The following NCR1 variants were observed in gnomAD, a reference collection of about 807,000 sequenced individuals.
NCR1 encodes the protein NK cell-activating receptor.
In NCR1, 30 loss-of-function variants were observed where a neutral mutation model predicts 32.5. The observed-to-expected ratio is 0.92, with a 90% CI of 0.69 to 1.25. The LOEUF is 1.25. NCR1 is among the 50% of genes most tolerant of loss of function. The pLI is 0.00. For missense variants in NCR1, 369 were observed against 380.7 expected (o/e 0.97, Z 0.26); for synonymous variants, 169 against 143.4 (o/e 1.18, Z -1.28).
chr19:54,912,473 C>G (rs1473612306), intron 6 of NCR1, among the ~76,000 whole-genome samples: 2 of 151,770 alleles, frequency 1.3e-5, no homozygotes, highest in African/African-American at 4.8e-5. Flanking sequence ...GTGGCGTGTG[C>G]CTGTAGTCCC....
the NCR1 span, among the ~76,000 whole-genome samples, chr19:54,927,123 T>C: frequency 1.4e-5 from 2 of 148,118 alleles, no homozygotes; most frequent in African/African-American, 5.0e-5. Context: ...GTGCAATGGC[T>C]CACCTCTGTA....
downstream of NCR1, among the ~76,000 whole-genome samples, chr19:54,916,317 C>CTTTTTTTTTTTTTTTTTTTTTTTTTTTTT (rs71181711): frequency 2.5e-4 from 22 of 87,108 alleles, 2 homozygotes; most frequent in Admixed American, 3.8e-4. Flanking sequence ...GAATATTGTG[C>CTTTTTTTTTTTTTTTTTTTTTTTTTTTTT]TTTTTTTTTT....
chr19:54,909,994 T>C, intron 4 of NCR1, 24 bp from the exon 5 acceptor site: 1 of 1,608,780 alleles, frequency 6.2e-7, no homozygotes, highest in Non-Finnish European at 8.5e-7. Context: ...ACCCTTACTT[T>C]TTTTTCTTTA....
chr19:54,923,655 T>C, the NCR1 span: 1 of 1,453,994 alleles, frequency 6.9e-7, no homozygotes, highest in Non-Finnish European at 9.6e-7. Context: ...AGTGTTAACA[T>C]GTGACCCTCT....
At chr19:54,934,420 A>C in the NCR1 span, 1 of 1,516,362 alleles carries the variant, frequency 6.6e-7, no homozygotes, top group Non-Finnish European at 9.2e-7. The surrounding 1 kb of genome is among the most constrained non-coding windows in gnomAD (Gnocchi z 6.7). Flanking sequence ...GCAGTAAGTC[A>C]GGTGTTACCC....
At position 54,909,920 on chromosome 19, in the gene NCR1, G is replaced by A. The variant is rs1367957412; in HGVS notation, c.635-98G>A. On this transcript the variant is annotated intron_variant, in intron 4 of 6. Transcript: ENST00000291890. ...ACCGCACTGCAACCTGGGCGACAGA[G>A]CAAGACTCCATCTCAAAAAAAAAAA... 1.0e-5 allele frequency: 10 copies of A among 957,052 alleles called. No individual in the cohort carries two copies. The East Asian group carries it at 3.0e-4, about 29-fold the overall frequency. 59.3% of individuals were successfully genotyped at this position (957,052 alleles called of 1,614,324 possible).
chr19:54,933,773 A>G, the NCR1 span: 31 of 1,590,822 alleles, frequency 1.9e-5, no homozygotes, highest in Non-Finnish European at 2.7e-5. Context: ...TAGAAGGATG[A>G]GAACATTTCC....
the NCR1 span, among the ~76,000 whole-genome samples, chr19:54,898,453 C>T: frequency 2.6e-5 from 4 of 152,084 alleles, no homozygotes; most frequent in African/African-American, 9.7e-5. Flanking sequence ...CATCTGGATA[C>T]TGGAGTGGAG....
chr19:54,935,290 C>A, the NCR1 span, among the ~76,000 whole-genome samples: 1 of 151,996 alleles, frequency 6.6e-6, no homozygotes, highest in Non-Finnish European at 1.5e-5. Flanking sequence ...AGTGCAGTGG[C>A]ATGATCACAG....
chr19:54,938,200 A>G, the NCR1 span: 1 of 1,614,144 alleles, frequency 6.2e-7, no homozygotes, highest in Non-Finnish European at 8.5e-7. Flanking sequence ...AAGAGAGCGA[A>G]GATCCTGCCG....
downstream of NCR1, among the ~76,000 whole-genome samples, chr19:54,917,260 A>G (rs2068154352): frequency 6.7e-6 from 1 of 149,818 alleles, no homozygotes; most frequent in Non-Finnish European, 1.5e-5. Context: ...GGTTGCAGTG[A>G]GTCGAGATTG....
chr19:54,903,660 T>A (rs904725483), upstream of NCR1, among the ~76,000 whole-genome samples: 21 of 146,050 alleles, frequency 1.4e-4, no homozygotes, highest in Middle Eastern at 4.0e-3. Context: ...TATATGTATA[T>A]ATGTATACAT....
At chr19:54,901,475 A>C (rs10421281), upstream of NCR1, among the ~76,000 whole-genome samples, 161 of 151,590 alleles carry the variant, frequency 1.1e-3, 1 homozygote, top group South Asian at 9.4e-3. Flanking sequence ...GAGTCTGTAG[A>C]GGGGGGACAG....
the NCR1 span, among the ~76,000 whole-genome samples, chr19:54,898,203 T>C: frequency 6.6e-6 from 1 of 151,982 alleles, no homozygotes; most frequent in South Asian, 2.1e-4. Flanking sequence ...TGGGCCAGAG[T>C]TCTAGCTGCT....
At chr19:54,911,018 T>C (rs975905866) in intron 5 of NCR1, among the ~76,000 whole-genome samples, 7 of 151,952 alleles carry the variant, frequency 4.6e-5, no homozygotes, top group Admixed American at 1.3e-4. Context: ...GTTTGGAAGA[T>C]GACGGTGGGA....
At chr19:54,899,155 A>G in the NCR1 span, among the ~76,000 whole-genome samples, 2 of 152,178 alleles carry the variant, frequency 1.3e-5, no homozygotes, top group Admixed American at 1.3e-4. Flanking sequence ...CAGGCACCTC[A>G]GACCGTTTGC....
chr19:54,918,424 A>C (rs1050708448), downstream of NCR1, among the ~76,000 whole-genome samples: 1 of 151,826 alleles, frequency 6.6e-6, no homozygotes, highest in Non-Finnish European at 1.5e-5. Flanking sequence ...ACCCACTACC[A>C]TGCCTGGCTA....
intron 3 of NCR1, among the ~76,000 whole-genome samples, chr19:54,907,185 C>T (rs587678477): frequency 2.7e-5 from 4 of 149,170 alleles, no homozygotes; most frequent in African/African-American, 7.4e-5. Context: ...GACGGAGTTT[C>T]GCTCTTGTCA....
chr19:54,934,587 C>T, the NCR1 span: 17 of 1,614,024 alleles, frequency 1.1e-5, no homozygotes, highest in South Asian at 1.8e-4. This position sits in a 1 kb window ranked among gnomAD's most constrained non-coding sequence, Gnocchi z 6.7. Context: ...GCAGGTGCTT[C>T]AGGGACTGGT....
Sources: gnomAD v4.1 joint callset for allele counts (sites outside exome capture counted in the v4.1 genomes callset) on GRCh38, gnomAD v4.1.1 for gene constraint, Gnocchi (gnomAD v3.1) non-coding constraint, MANE v1.5 for transcripts, NCBI Gene and HGNC (gene_info 2026-07-23, HGNC 2026-07-21) for gene names.